ENOX1: variants seen among roughly 807,000 people sequenced by gnomAD.
ENOX1 encodes the protein candidate growth-related and time keeping constitutive hydroquinone (NADH) oxidase.
ENOX1 carries 42 observed loss-of-function variants against 82.5 expected under a neutral mutation model. The observed-to-expected ratio is 0.51, with a 90% CI of 0.40 to 0.66. The LOEUF is 0.66. Among genes scored for constraint, ENOX1 ranks in the 30% least tolerant of loss-of-function variants. The probability of loss-of-function intolerance (pLI) is 0.00; values close to 1 mark genes in which losing one functional copy is unlikely to be tolerated. For missense variants in ENOX1, 608 were observed against 811.6 expected, an observed-to-expected ratio of 0.75 and a Z score of 3.05; for synonymous variants, 271 against 282.2, an observed-to-expected ratio of 0.96 and a Z score of 0.40.
At chr13:43,533,819 C>T (rs766518270) in intron 2 of ENOX1, among the ~76,000 whole-genome samples, 5 of 152,104 alleles carry the variant, frequency 3.3e-5, no homozygotes, top group Non-Finnish European at 7.4e-5. Flanking sequence ...AGACTATATT[C>T]CCTAAAATGT....
intron 2 of ENOX1, among the ~76,000 whole-genome samples, chr13:43,653,890 A>G (rs757597042): frequency 6.6e-6 from 1 of 152,182 alleles, no homozygotes. Context: ...TGCCAGTAAA[A>G]ATGCCACCAT....
chr13:43,600,939 T>A (rs571893979), intron 2 of ENOX1, among the ~76,000 whole-genome samples: 1 of 152,318 alleles, frequency 6.6e-6, no homozygotes, highest in African/African-American at 2.4e-5. Flanking sequence ...GTGATAGCTC[T>A]CTGAGTCTGC....
At chr13:43,705,330 C>A (rs8001718) in intron 1 of ENOX1, among the ~76,000 whole-genome samples, 37,209 of 129,436 alleles carry the variant, frequency 0.29, 6,058 homozygotes, top group East Asian at 0.56. Flanking sequence ...CTCTCTCTCT[C>A]TATATATATA....
intron 1 of ENOX1, among the ~76,000 whole-genome samples, chr13:43,734,202 T>G (rs113685322): frequency 0.13 from 235 of 1,878 alleles, no homozygotes; most frequent in African/African-American, 0.15. Flanking sequence ...TGTTGTTGGT[T>G]GTTGTTGTTG....
chr13:43,613,806 C>T (rs2082294156), intron 2 of ENOX1, among the ~76,000 whole-genome samples: 1 of 152,050 alleles, frequency 6.6e-6, no homozygotes, highest in Non-Finnish European at 1.5e-5. Flanking sequence ...TGGTAGGTGC[C>T]TGTAGTCCCA....
chr13:43,653,176 C>T (rs1050739741), intron 2 of ENOX1, among the ~76,000 whole-genome samples: 2 of 152,212 alleles, frequency 1.3e-5, no homozygotes, highest in Admixed American at 1.3e-4. Context: ...AAAAGACTCA[C>T]CCCCAAGTAT....
intron 3 of ENOX1, among the ~76,000 whole-genome samples, chr13:43,479,575 T>C (rs1204170591): frequency 6.6e-6 from 1 of 152,220 alleles, no homozygotes; most frequent in Non-Finnish European, 1.5e-5. Context: ...TGATCTCCTT[T>C]AAACACCAAA....
At chr13:43,619,588 C>T (rs2082635714) in intron 2 of ENOX1, among the ~76,000 whole-genome samples, 1 of 151,934 alleles carries the variant, frequency 6.6e-6, no homozygotes, top group Non-Finnish European at 1.5e-5. Flanking sequence ...TCCCTGCATC[C>T]CTGGTATGAA....
intron 2 of ENOX1, among the ~76,000 whole-genome samples, chr13:43,540,828 C>T (rs1428924636): frequency 6.6e-6 from 1 of 152,072 alleles, no homozygotes; most frequent in Non-Finnish European, 1.5e-5. Flanking sequence ...CTAAAGGACC[C>T]CCCCTCAAAA....
At chr13:43,247,862 TATATA>T (rs2043197340) in intron 14 of ENOX1, among the ~76,000 whole-genome samples, 51 of 3,462 alleles carry the variant, frequency 0.015, 3 homozygotes, top group Non-Finnish European at 0.024. Context: ...TATATATATA[TATATA>T]TATATATATA....
At chr13:43,442,183 C>T (rs1293480787) in intron 3 of ENOX1, among the ~76,000 whole-genome samples, 1 of 152,110 alleles carries the variant, frequency 6.6e-6, no homozygotes, top group Non-Finnish European at 1.5e-5. Flanking sequence ...GCAGGCTGGT[C>T]TCAGCTGCCC....
intron 9 of ENOX1, among the ~76,000 whole-genome samples, chr13:43,343,705 T>C (rs934772545): frequency 6.6e-6 from 1 of 152,178 alleles, no homozygotes; most frequent in Non-Finnish European, 1.5e-5. Context: ...ACATCCCATA[T>C]GTCACTACCA....
intron 12 of ENOX1, among the ~76,000 whole-genome samples, chr13:43,295,312 C>T (rs934287452): frequency 1.3e-5 from 2 of 152,162 alleles, no homozygotes; most frequent in African/African-American, 2.4e-5. Flanking sequence ...GATACAAGCT[C>T]TTATTCTCTT....
chr13:43,448,189 C>T (rs1245177791), intron 3 of ENOX1, among the ~76,000 whole-genome samples: 1 of 152,172 alleles, frequency 6.6e-6, no homozygotes, highest in African/African-American at 2.4e-5. Flanking sequence ...AACATGTTCT[C>T]TTATTAGTTG....
At chr13:43,332,455 C>T (rs1334902725) in intron 9 of ENOX1, among the ~76,000 whole-genome samples, 1 of 152,106 alleles carries the variant, frequency 6.6e-6, no homozygotes, top group African/African-American at 2.4e-5. Context: ...CCTAACAGGC[C>T]ATGGACAGTA....
chr13:43,666,715 C>T (rs922391785), intron 2 of ENOX1, among the ~76,000 whole-genome samples: 1 of 152,132 alleles, frequency 6.6e-6, no homozygotes. Context: ...TCAGATGAGA[C>T]TAATACAGAC....
In ENOX1 at chr13:43,616,200, ATATAT is replaced by A. The variant is rs1162029284; in HGVS notation, c.-219+51274_-219+51278del. On this transcript the variant is annotated intron_variant, in intron 2 of 16. Transcript: ENST00000690772. ...TATCTATCTATCTATATATATATAT[ATATAT>A]TTTTTTTTTTTTTTTAGGACGGAGT... Among the ~76,000 whole-genome samples, 20 of 19,080 alleles carry A rather than the reference ATATAT, an allele frequency of 1.0e-3. 3 individuals carry two copies. Among genetic ancestry groups the A allele is most frequent in the African/African-American group, 1.4e-3 (20 of 14,440 alleles). 12.5% of individuals were successfully genotyped at this position (19,080 alleles called of 152,430 possible).
chr13:43,772,401 A>AT (rs1951686082), intron 1 of ENOX1, among the ~76,000 whole-genome samples: 1 of 152,120 alleles, frequency 6.6e-6, no homozygotes, highest in Admixed American at 6.5e-5. Context: ...TAGGTTATCC[A>AT]TTTGTCTATT....
chr13:43,784,144 G>T (rs916291401), intron 1 of ENOX1, among the ~76,000 whole-genome samples: 2 of 152,098 alleles, frequency 1.3e-5, no homozygotes, highest in Non-Finnish European at 2.9e-5. Context: ...ACATATATAC[G>T]AATAAATACA....
Sources: gnomAD v4.1 joint callset for allele counts (sites outside exome capture counted in the v4.1 genomes callset) on GRCh38, gnomAD v4.1.1 for gene constraint, MANE v1.5 for transcripts, NCBI Gene and HGNC (gene_info 2026-07-23, HGNC 2026-07-21) for gene names.